FUNDC1: variants seen among roughly 807,000 people sequenced by gnomAD.
The protein encoded by FUNDC1 is FUN14 domain containing 1.
In FUNDC1, 10 loss-of-function variants were observed where a neutral mutation model predicts 14.5. The observed-to-expected ratio is 0.69, with a 90% CI of 0.43 to 1.17. The LOEUF is 1.17. FUNDC1 is among the 50% of genes most tolerant of loss of function. FUNDC1 has a pLI of 0.00. For synonymous variants in FUNDC1, 33 were observed against 39.7 expected (o/e 0.83, Z 0.64); for missense variants, 115 against 113.8 (o/e 1.01, Z -0.05).
At chrX:44,538,576 A>G (rs1380636490) in intron 2 of FUNDC1, 34 bp from the exon 3 acceptor site, 3 of 991,966 alleles carry the variant, frequency 3.0e-6, no homozygotes, top group East Asian at 6.1e-5. Context: ...AAAACAATCA[A>G]TTATGTACTA....
At chrX:44,541,337 G>A (rs1601904962) in intron 2 of FUNDC1, among the ~76,000 whole-genome samples, 1 of 112,051 alleles carries the variant, frequency 8.9e-6, no homozygotes, top group East Asian at 2.8e-4. Context: ...TGGTCAGGCT[G>A]ATGGTTATTA....
In FUNDC1 at chrX:44,531,315, G is replaced by GACACACACACACAC. The variant is rs766982993; in HGVS notation, c.262-3964_262-3951dup. 3.7e-4 allele frequency among the ~76,000 whole-genome samples: 7 copies of GACACACACACACAC among 18,882 alleles called. 1 individual carries two copies. Among genetic ancestry groups the GACACACACACACAC allele is most frequent in the Non-Finnish European group, 4.1e-4 (5 of 12,066 alleles). The allele number at this position is 18,882 out of a possible 115,157, so 16.4% of individuals were successfully genotyped here. On this transcript the variant is annotated intron_variant, in intron 3 of 4. Transcript: ENST00000378045. ...TTCAGATGAAGATTCATGTTGGCCA[G>GACACACACACACAC]ACACACACACACACACACACACACA... is the stretch of plus-strand genomic sequence containing the variant.
chrX:44,536,969 G>A (rs2038951695), intron 3 of FUNDC1, among the ~76,000 whole-genome samples: 1 of 112,041 alleles, frequency 8.9e-6, no homozygotes, highest in Admixed American at 9.5e-5. Context: ...TATAAGAAAG[G>A]TCATAAAAAT....
intron 4 of FUNDC1, among the ~76,000 whole-genome samples, chrX:44,526,496 G>C (rs1046201313): frequency 4.7e-5 from 5 of 106,653 alleles, no homozygotes; most frequent in African/African-American, 1.4e-4. Context: ...AAGGGGGGGG[G>C]GCGTATTCAT....
chrX:44,526,243 A>G (rs1013497461), intron 4 of FUNDC1, among the ~76,000 whole-genome samples: 14 of 111,336 alleles, frequency 1.3e-4, no homozygotes, highest in African/African-American at 4.6e-4. Flanking sequence ...AGCCTGGCCA[A>G]CATGGTGAAA....
At chrX:44,533,627 C>CA (rs1156843539) in intron 3 of FUNDC1, among the ~76,000 whole-genome samples, 2,934 of 18,644 alleles carry the variant, frequency 0.16, 337 homozygotes, top group African/African-American at 0.24. Flanking sequence ...GACTCCGTCT[C>CA]AAAAAAAAAA....
rs2038956908 is a variant in FUNDC1 at position 44,538,317 on chromosome X, T to C, written c.261+150A>G. On this transcript the variant is annotated intron_variant, in intron 3 of 4. Transcript: ENST00000378045. ...CTTTTTAATAGCTGGGATCAAACTA[T>C]GCTTAATAACTCAGAAGTATTTAAA... 8 of 460,241 alleles carry C rather than the reference T, an allele frequency of 1.7e-5. No individual in the cohort carries two copies. In the South Asian group the frequency reaches 2.6e-4, roughly 15 times the overall value. 37.9% of individuals were successfully genotyped at this position (460,241 alleles called of 1,213,427 possible). A position where few individuals can be genotyped will look rare whatever the true frequency, so the allele number is the denominator to read the frequency against.
chrX:44,525,628 G>C (rs1323651284), intron 4 of FUNDC1, among the ~76,000 whole-genome samples: 3 of 110,084 alleles, frequency 2.7e-5, no homozygotes. Flanking sequence ...GCTGAGGCAG[G>C]CAGGCTGCTT....
intron 2 of FUNDC1, among the ~76,000 whole-genome samples, chrX:44,540,757 C>G (rs1221511219): frequency 8.9e-6 from 1 of 111,938 alleles, no homozygotes; most frequent in African/African-American, 3.2e-5. Flanking sequence ...CTGACATTAA[C>G]CAATCACCCA....
At chrX:44,527,211 A>G in intron 4 of FUNDC1, 26 bp downstream of exon 4, 1 of 1,136,263 alleles carries the variant, frequency 8.8e-7, no homozygotes, top group Admixed American at 2.7e-5. Flanking sequence ...AAAAAAAAAA[A>G]AAGTCAAAAT....
At chrX:44,531,800 ACACAG>A (rs1348272718) in intron 3 of FUNDC1, among the ~76,000 whole-genome samples, 3 of 109,194 alleles carry the variant, frequency 2.7e-5, no homozygotes, top group African/African-American at 1.0e-4. Context: ...ACACACACAC[ACACAG>A]AAGCTTGATC....
intron 4 of FUNDC1, among the ~76,000 whole-genome samples, chrX:44,525,464 C>T (rs1051629584): frequency 1.8e-5 from 2 of 108,694 alleles, no homozygotes; most frequent in East Asian, 2.9e-4. Flanking sequence ...GCTGGGATTA[C>T]AGGAGTGAAC....
intron 4 of FUNDC1, among the ~76,000 whole-genome samples, chrX:44,526,124 A>AAAAAAAC (rs1555921799): frequency 5.2e-5 from 5 of 95,922 alleles, no homozygotes; most frequent in Non-Finnish European, 8.6e-5. Context: ...AAAAAAACAA[A>AAAAAAAC]AAAAAAAAAC....
intron 3 of FUNDC1, among the ~76,000 whole-genome samples, chrX:44,528,899 G>A (rs1016249052): frequency 9.1e-6 from 1 of 110,469 alleles, no homozygotes; most frequent in East Asian, 2.9e-4. Flanking sequence ...GTTTCACCGT[G>A]TTAGCCAGGA....
At position 44,523,970 on chromosome X, in the gene FUNDC1, C is replaced by T. The variant is rs1005204980; in HGVS notation, c.*228G>A. 2.2e-5 allele frequency: 7 copies of T among 316,100 alleles called. No homozygotes were observed. The highest frequency in any genetic ancestry group is 5.8e-5 in the Admixed American group (1 of 17,276). The allele number at this position is 316,100 out of a possible 1,213,427, so 26.1% of individuals were successfully genotyped here. ...AATTTTTACAAAGCGATGAAAGCCA[C>T]GTTTTGCTCAGGAATACTACGGTTC... On this transcript the variant is annotated 3_prime_UTR_variant, in exon 5 of 5. Coordinates refer to ENST00000378045, the MANE Select transcript of FUNDC1 (RefSeq NM_173794.4).
chrX:44,527,412 G>C (rs752950801), intron 3 of FUNDC1, 47 bp from the exon 4 acceptor site: 3 of 997,651 alleles, frequency 3.0e-6, no homozygotes, highest in Admixed American at 5.6e-5. Context: ...CAACTAGGTT[G>C]CTGACTATAA....
chrX:44,538,566 A>G, intron 2 of FUNDC1, 24 bp from the exon 3 acceptor site: 1 of 1,099,975 alleles, frequency 9.1e-7, no homozygotes, highest in East Asian at 3.0e-5. Flanking sequence ...ACAAAAGATG[A>G]AAACAATCAA....
At position 44,527,314 on chromosome X, in the gene FUNDC1, C is replaced by T; in HGVS notation, c.313G>A (p.Asp105Asn). ...VQIDWKRVEKDVNKAKRQIKK... is the reference protein window; with the variant it reads ...VQIDWKRVEKNVNKAKRQIKK... Reference sequence around the variant, plus strand: ...ATCTGTCTTTTTGCTTTATTTACATCTTTTTCAACTCTCTTCCAGTCAATC... The same window carrying T: ...ATCTGTCTTTTTGCTTTATTTACATTTTTTTCAACTCTCTTCCAGTCAATC... Residue 105 changes from aspartate to asparagine, a missense_variant, in exon 4 of 5, where the codon GAT becomes AAT. Asp to Asn is a conservative substitution (Grantham distance 23). Transcript: ENST00000378045. 1 of 1,191,465 alleles carries T rather than the reference C, an allele frequency of 8.4e-7. No homozygotes were observed. The highest frequency in any genetic ancestry group is 1.1e-6 in the Non-Finnish European group (1 of 881,352).
At chrX:44,527,565 C>T (rs1305468473) in intron 3 of FUNDC1, among the ~76,000 whole-genome samples, 200 bp from the exon 4 acceptor site, 1 of 111,481 alleles carries the variant, frequency 9.0e-6, no homozygotes, top group Non-Finnish European at 1.9e-5. Context: ...GAGACATAAG[C>T]CCCTATCCTC....
Sources: gnomAD v4.1 joint callset for allele counts (sites outside exome capture counted in the v4.1 genomes callset) on GRCh38, gnomAD v4.1.1 for gene constraint, MANE v1.5 for transcripts, NCBI Gene and HGNC (gene_info 2026-07-23, HGNC 2026-07-21) for gene names.